The following LSAMP variants were observed in gnomAD, a reference collection of about 807,000 sequenced individuals.
The protein encoded by LSAMP is limbic system-associated membrane protein.
A neutral mutation model predicts 38.6 loss-of-function variants in LSAMP; 7 were observed. The observed-to-expected ratio is 0.18, with a 90% CI of 0.10 to 0.34. The LOEUF (loss-of-function observed/expected upper bound fraction) is 0.34, where lower values mean the gene tolerates loss of function less well. Ranked by LOEUF, LSAMP falls within the 10% of genes least tolerant of loss-of-function variation. The pLI is 1.00. For missense variants in LSAMP, 313 were observed against 420.0 expected, an observed-to-expected ratio of 0.75 and a Z score of 2.23; for synonymous variants, 154 against 166.8, an observed-to-expected ratio of 0.92 and a Z score of 0.59.
At chr3:115,842,334 G>A in intron 5 of LSAMP, 124 bp downstream of exon 5, 1 of 1,280,858 alleles carries the variant, frequency 7.8e-7, no homozygotes, top group African/African-American at 1.5e-5. Context: ...ATACTAAAAA[G>A]GAAGAGTGTG....
intron 1 of LSAMP, among the ~76,000 whole-genome samples, chr3:116,160,864 A>G (rs1285818026): frequency 6.6e-6 from 1 of 152,206 alleles, no homozygotes; most frequent in Admixed American, 6.5e-5. Context: ...GTCTTGAATG[A>G]GGCCAGAAAT....
intron 1 of LSAMP, among the ~76,000 whole-genome samples, chr3:116,109,330 C>T (rs1345109647): frequency 6.6e-6 from 1 of 151,850 alleles, no homozygotes; most frequent in Non-Finnish European, 1.5e-5. Flanking sequence ...GGAGCAGAGG[C>T]TGAGGAAGAA....
chr3:116,296,450 G>C (rs2047335223), intron 1 of LSAMP, among the ~76,000 whole-genome samples: 1 of 151,948 alleles, frequency 6.6e-6, no homozygotes, highest in Admixed American at 6.6e-5. Context: ...GGGAGGCCGA[G>C]GCAGGCGGAT....
intron 1 of LSAMP, among the ~76,000 whole-genome samples, chr3:116,149,412 A>G (rs558831923): frequency 6.6e-6 from 1 of 152,102 alleles, no homozygotes; most frequent in South Asian, 2.1e-4. Context: ...GCTCACCAGA[A>G]GGATTTTACA....
At chr3:115,846,368 T>TAAATAGGGTAAC (rs1276166250) in intron 4 of LSAMP, among the ~76,000 whole-genome samples, 2 of 152,202 alleles carry the variant, frequency 1.3e-5, no homozygotes. Context: ...TCAATCAGAA[T>TAAATAGGGTAAC]AAATAGGGTA....
intron 1 of LSAMP, among the ~76,000 whole-genome samples, chr3:116,317,418 C>T (rs1016560025): frequency 4.6e-5 from 7 of 151,184 alleles, no homozygotes; most frequent in South Asian, 4.2e-4. Flanking sequence ...CGCAGTGGCG[C>T]GATCTCGGCT....
chr3:115,824,438 A>G (rs1934342209), intron 6 of LSAMP, among the ~76,000 whole-genome samples: 1 of 152,160 alleles, frequency 6.6e-6, no homozygotes, highest in Non-Finnish European at 1.5e-5. Context: ...TCATGCCTGT[A>G]ATCCCAGTAA....
intron 1 of LSAMP, among the ~76,000 whole-genome samples, chr3:116,092,915 T>C (rs900222382): frequency 2.0e-5 from 3 of 152,236 alleles, no homozygotes; most frequent in Non-Finnish European, 4.4e-5. Flanking sequence ...CAAGCATTAA[T>C]GGCTGTTAAA....
intron 3 of LSAMP, among the ~76,000 whole-genome samples, chr3:115,921,356 G>A (rs1937377634): frequency 6.6e-6 from 1 of 151,684 alleles, no homozygotes; most frequent in African/African-American, 2.4e-5. Flanking sequence ...GTATCTTCTA[G>A]AGATATTTTC....
intron 1 of LSAMP, among the ~76,000 whole-genome samples, chr3:116,429,444 TTAATTA>T (rs2049250083): frequency 6.6e-6 from 1 of 152,212 alleles, no homozygotes; most frequent in African/African-American, 2.4e-5. Flanking sequence ...GTGGTTTTTT[TTAATTA>T]TAAGAACAGA....
At chr3:116,060,212 T>TTTTTTTTTTG (rs1553700134) in intron 2 of LSAMP, among the ~76,000 whole-genome samples, 12 of 151,390 alleles carry the variant, frequency 7.9e-5, no homozygotes, top group Middle Eastern at 3.4e-3. Flanking sequence ...TTTTTTTTTT[T>TTTTTTTTTTG]ACTAGCAGCA....
chr3:116,295,865 C>T (rs1169152248), intron 1 of LSAMP, among the ~76,000 whole-genome samples: 3 of 152,130 alleles, frequency 2.0e-5, no homozygotes, highest in Non-Finnish European at 2.9e-5. Context: ...GTTCAGACTT[C>T]AGATTAAGAA....
intron 3 of LSAMP, among the ~76,000 whole-genome samples, chr3:115,894,785 C>G (rs572097237): frequency 1.3e-5 from 2 of 152,104 alleles, no homozygotes; most frequent in African/African-American, 2.4e-5. Context: ...CTGATGGTGC[C>G]TCAATATTTC....
At chr3:115,850,989 T>C (rs1935313112) in intron 4 of LSAMP, among the ~76,000 whole-genome samples, 1 of 152,150 alleles carries the variant, frequency 6.6e-6, no homozygotes, top group South Asian at 2.1e-4. Context: ...CTTTTTTATT[T>C]TGAGACAGAG....
At chr3:115,927,298 A>G (rs992097238) in intron 3 of LSAMP, among the ~76,000 whole-genome samples, 1 of 152,222 alleles carries the variant, frequency 6.6e-6, no homozygotes, top group African/African-American at 2.4e-5. Flanking sequence ...CTAGAGAGCA[A>G]TGGAGTGAAA....
rs1464396016 is a variant in LSAMP, at chr3:115,967,828, C to G, written c.514+51687G>C. Among the ~76,000 whole-genome samples the G allele has an allele frequency of 2.6e-5, 4 of 152,108 alleles. No homozygotes were observed. The East Asian group carries it at 7.7e-4, about 29-fold the overall frequency. On this transcript the variant is annotated intron_variant, in intron 3 of 6. Coordinates refer to ENST00000490035, the MANE Select transcript of LSAMP (RefSeq NM_002338.5). The stretch of plus-strand genomic sequence containing the variant: ...AGAACAGCATGGGAAAGGCCTACCC[C>G]CATCATTCAACCATCTCCCACTGGA...
At chr3:116,132,627 C>T (rs959745236) in intron 1 of LSAMP, among the ~76,000 whole-genome samples, 2 of 152,180 alleles carry the variant, frequency 1.3e-5, no homozygotes, top group East Asian at 1.9e-4. Context: ...TCTTTTCTCT[C>T]GTTTTTTTCT....
intron 1 of LSAMP, among the ~76,000 whole-genome samples, chr3:116,413,862 A>C (rs1294824089): frequency 6.6e-6 from 1 of 151,762 alleles, no homozygotes; most frequent in Non-Finnish European, 1.5e-5. Flanking sequence ...AAAGGACAAG[A>C]AAGTTGAAAA....
intron 3 of LSAMP, among the ~76,000 whole-genome samples, chr3:115,964,566 A>G (rs991714260): frequency 6.6e-6 from 1 of 152,200 alleles, no homozygotes; most frequent in African/African-American, 2.4e-5. Flanking sequence ...GGACAAGAAG[A>G]AAAAGAAGTA....
Sources: allele counts gnomAD v4.1 joint callset (sites outside exome capture counted in the v4.1 genomes callset), GRCh38; gene constraint gnomAD v4.1.1; transcripts MANE v1.5; gene names NCBI Gene and HGNC (gene_info 2026-07-23, HGNC 2026-07-21).